The following IL1RAPL1 variants were observed in gnomAD, a reference collection of about 807,000 sequenced individuals.
The protein encoded by IL1RAPL1 is interleukin 1 receptor accessory protein like 1, also known as interleukin-1 receptor accessory protein-like 1.
In IL1RAPL1, 3 loss-of-function variants were observed where a neutral mutation model predicts 48.4. The ratio of observed to expected loss-of-function variants is 0.06; its 90% CI spans 0.03 to 0.16. The LOEUF is 0.16. Among genes scored for constraint, IL1RAPL1 ranks in the 10% least tolerant of loss-of-function variants. IL1RAPL1 has a pLI of 1.00. For missense variants in IL1RAPL1, 349 were observed against 530.6 expected (o/e 0.66, Z 3.36); for synonymous variants, 185 against 187.7 (o/e 0.99, Z 0.12).
At chrX:29,347,563 AT>A (rs367947821) in intron 3 of IL1RAPL1, among the ~76,000 whole-genome samples, 2 of 104,659 alleles carry the variant, frequency 1.9e-5, no homozygotes, top group African/African-American at 3.5e-5. Flanking sequence ...TATTTTTAAA[AT>A]TTTTTTGTAG....
At chrX:29,611,637 C>T (rs1924096226) in intron 5 of IL1RAPL1, among the ~76,000 whole-genome samples, 1 of 111,529 alleles carries the variant, frequency 9.0e-6, no homozygotes, top group Non-Finnish European at 1.9e-5. Flanking sequence ...GAGTTTTACT[C>T]TTTTCTCAAC....
intron 5 of IL1RAPL1, among the ~76,000 whole-genome samples, chrX:29,636,226 G>A (rs757380507): frequency 8.9e-6 from 1 of 111,839 alleles, no homozygotes; most frequent in South Asian, 3.7e-4. Context: ...ATAAACTCGT[G>A]CAAAAAATGG....
chrX:29,566,748 G>A, intron 5 of IL1RAPL1, among the ~76,000 whole-genome samples: 1 of 112,335 alleles, frequency 8.9e-6, no homozygotes, highest in Admixed American at 9.4e-5. Flanking sequence ...CTGGAAGCTA[G>A]CAATATAGGT....
chrX:28,770,817 A>G (rs1038168064), intron 1 of IL1RAPL1, among the ~76,000 whole-genome samples: 1 of 112,304 alleles, frequency 8.9e-6, no homozygotes, highest in Non-Finnish European at 1.9e-5. Context: ...CTCCATCTAC[A>G]ATATGAGGAT....
intron 5 of IL1RAPL1, among the ~76,000 whole-genome samples, chrX:29,603,709 T>A: frequency 8.9e-6 from 1 of 112,162 alleles, no homozygotes; most frequent in African/African-American, 3.2e-5. Flanking sequence ...ATGACACTGA[T>A]CCTGTTTGGT....
chrX:29,622,693 T>C (rs1178215837), intron 5 of IL1RAPL1, among the ~76,000 whole-genome samples: 1 of 111,325 alleles, frequency 9.0e-6, no homozygotes, highest in African/African-American at 3.3e-5. Flanking sequence ...CTGAAGAGTA[T>C]TTTTTTAATT....
At chrX:29,779,128 T>C (rs1022655830) in intron 6 of IL1RAPL1, among the ~76,000 whole-genome samples, 7 of 112,046 alleles carry the variant, frequency 6.2e-5, no homozygotes, top group Non-Finnish European at 1.3e-4. Context: ...GATTTGAAGC[T>C]ATACATGATA....
At chrX:29,787,991 A>G (rs1241917587) in intron 6 of IL1RAPL1, among the ~76,000 whole-genome samples, 7 of 112,171 alleles carry the variant, frequency 6.2e-5, no homozygotes, top group Non-Finnish European at 1.3e-4. Context: ...TTTAAAACAG[A>G]TATTTAATGC....
chrX:28,888,417 A>T (rs1397033712), intron 2 of IL1RAPL1, among the ~76,000 whole-genome samples: 2 of 112,091 alleles, frequency 1.8e-5, no homozygotes, highest in African/African-American at 6.5e-5. Context: ...TAAATGCTTG[A>T]GGAGTATTTG....
At chrX:28,980,200 C>A (rs1434858581) in intron 2 of IL1RAPL1, among the ~76,000 whole-genome samples, 1 of 112,476 alleles carries the variant, frequency 8.9e-6, no homozygotes, top group Non-Finnish European at 1.9e-5. Context: ...CTTCTCTCAC[C>A]TCCAGTGTTT....
At chrX:29,536,529 T>TA (rs760055658) in intron 5 of IL1RAPL1, among the ~76,000 whole-genome samples, 5 of 111,029 alleles carry the variant, frequency 4.5e-5, no homozygotes, top group South Asian at 3.7e-4. Flanking sequence ...GTGAGAATAT[T>TA]AAAAAAAATT....
Position 29,936,518 on chromosome X carries a change from AACACACACAC to A in IL1RAPL1, c.1058-5101_1058-5092del, listed in dbSNP as rs55890071. On this transcript the variant is annotated intron_variant, in intron 8 of 10. Transcript: ENST00000378993. ...TCTGGCAAAATTCTATATATATAGGAACACACACACACACACACACACACACACACACACA... is the reference window on the plus strand; with the variant it reads ...TCTGGCAAAATTCTATATATATAGGAACACACACACACACACACACACACA... 2.9e-3 allele frequency among the ~76,000 whole-genome samples: 267 copies of A among 93,467 alleles called. 1 individual carries two copies. The highest frequency in any genetic ancestry group is 8.2e-3 in the African/African-American group (211 of 25,716). 81.2% of individuals were successfully genotyped at this position (93,467 alleles called of 115,157 possible). A position where few individuals can be genotyped will look rare whatever the true frequency, so the allele number is the denominator to read the frequency against.
At chrX:29,951,176 TGA>T (rs1224800466) in intron 9 of IL1RAPL1, among the ~76,000 whole-genome samples, 1 of 111,898 alleles carries the variant, frequency 8.9e-6, no homozygotes, top group Non-Finnish European at 1.9e-5. Context: ...CTATCGGGTG[TGA>T]GTCATGTGAT....
intron 2 of IL1RAPL1, among the ~76,000 whole-genome samples, chrX:28,967,780 A>T (rs1924956609): frequency 8.9e-6 from 1 of 112,501 alleles, no homozygotes; most frequent in Non-Finnish European, 1.9e-5. Context: ...AACAAGCAAG[A>T]TACACTCACT....
At chrX:29,082,470 A>G (rs1365477226) in intron 2 of IL1RAPL1, among the ~76,000 whole-genome samples, 3 of 112,470 alleles carry the variant, frequency 2.7e-5, no homozygotes, top group Non-Finnish European at 5.6e-5. Flanking sequence ...ATATACAACC[A>G]ATAAACAGGA....
chrX:29,504,991 G>A (rs868844360), intron 5 of IL1RAPL1, among the ~76,000 whole-genome samples: 2 of 110,590 alleles, frequency 1.8e-5, no homozygotes, highest in Non-Finnish European at 3.8e-5. Context: ...TTTCTTTTCG[G>A]TGAATGTATT....
chrX:29,037,551 G>A (rs1602023674), intron 2 of IL1RAPL1, among the ~76,000 whole-genome samples: 2 of 111,486 alleles, frequency 1.8e-5, no homozygotes, highest in Non-Finnish European at 3.8e-5. Flanking sequence ...GGTTATTCCC[G>A]TGATCTGTGA....
rs186173508 is a variant in IL1RAPL1 at position 29,046,288 on chromosome X, C to T, written c.83-236650C>T. On this transcript the variant is annotated intron_variant, in intron 2 of 10. Transcript: ENST00000378993. ...ACCCAGACTGGTGTTGAACTCCTAG[C>T]CTCAAGCGATCTTCCTGCATTGGCC... is the stretch of plus-strand genomic sequence containing the variant. Among the ~76,000 whole-genome samples, 6 of 110,824 alleles carry T rather than the reference C, an allele frequency of 5.4e-5. No homozygotes were observed. The East Asian group carries it at 1.7e-3, about 32-fold the overall frequency.
intron 2 of IL1RAPL1, among the ~76,000 whole-genome samples, chrX:29,085,827 T>C (rs1927941617): frequency 8.9e-6 from 1 of 112,031 alleles, no homozygotes; most frequent in Non-Finnish European, 1.9e-5. Context: ...GTCTCCGTGT[T>C]ATCAGATCAT....
Sources: gnomAD v4.1 joint callset for allele counts (sites outside exome capture counted in the v4.1 genomes callset) on GRCh38, gnomAD v4.1.1 for gene constraint, MANE v1.5 for transcripts, NCBI Gene and HGNC (gene_info 2026-07-23, HGNC 2026-07-21) for gene names.